The following VAC14 variants were observed in gnomAD, a reference collection of about 807,000 sequenced individuals.
VAC14 encodes protein VAC14 homolog.
A neutral mutation model predicts 85.3 loss-of-function variants in VAC14; 47 were observed. That is an observed-to-expected ratio of 0.55 (90% CI 0.44 to 0.70). The LOEUF is 0.70. Among genes scored for constraint, VAC14 ranks in the 30% least tolerant of loss-of-function variants. VAC14 has a pLI of 0.00. For synonymous variants in VAC14, 447 were observed against 430.5 expected (o/e 1.04, Z -0.47); for missense variants, 861 against 1,004.3 (o/e 0.86, Z 1.93).
intron 13 of VAC14, among the ~76,000 whole-genome samples, chr16:70,741,962 C>A (rs2030359573): frequency 6.6e-6 from 1 of 152,344 alleles, no homozygotes; most frequent in East Asian, 1.9e-4. Context: ...TCTGCTCCCC[C>A]ATGGCACACG....
chr16:70,700,959 TGAG>T (rs995199688), intron 14 of VAC14, among the ~76,000 whole-genome samples: 2 of 152,106 alleles, frequency 1.3e-5, no homozygotes, highest in Non-Finnish European at 2.9e-5. Flanking sequence ...GAGGGCAGGC[TGAG>T]GAGGGTGCGG....
intron 9 of VAC14, among the ~76,000 whole-genome samples, chr16:70,775,245 C>T (rs1253985088): frequency 1.3e-5 from 2 of 151,940 alleles, no homozygotes; most frequent in East Asian, 1.9e-4. Context: ...ACAAATATAT[C>T]CTCATTCTAA....
intron 9 of VAC14, chr16:70,779,028 C>T (rs1168672964): frequency 6.6e-6 from 1 of 152,196 alleles, no homozygotes; most frequent in African/African-American, 2.4e-5. Context: ...TGCCAAAAAG[C>T]TTTCAGCTGC....
At chr16:70,755,429 C>T (rs758085152) in intron 12 of VAC14, among the ~76,000 whole-genome samples, 3 of 152,210 alleles carry the variant, frequency 2.0e-5, no homozygotes, top group Non-Finnish European at 4.4e-5. Context: ...CACCCTGGGC[C>T]GGGTCCCTGC....
Position 70,695,396 on chromosome 16 carries a change from C to T in VAC14, c.2035+148G>A, listed in dbSNP as rs890938648. 6 of 758,306 alleles carry T rather than the reference C, an allele frequency of 7.9e-6. No homozygotes were observed. In the African/African-American group the frequency reaches 1.0e-4, roughly 13 times the overall value. The allele number at this position is 758,306 out of a possible 1,614,324, so 47.0% of individuals were successfully genotyped here. A position where few individuals can be genotyped will look rare whatever the true frequency, so the allele number is the denominator to read the frequency against. ...CAAAGTGCTGGGATTATAAGTCTCA[C>T]ATTCTCAACATTCCAGAAGCTTCCC... On this transcript the variant is annotated intron_variant, in intron 17 of 18. Transcript: ENST00000261776.
chr16:70,688,934 C>CT, intron 18 of VAC14: 2 of 985,526 alleles, frequency 2.0e-6, no homozygotes, highest in South Asian at 4.7e-5. Flanking sequence ...TCCATGTGGG[C>CT]TAGGAAGTAT....
chr16:70,789,240 C>G (rs1208242609), intron 1 of VAC14, among the ~76,000 whole-genome samples: 1 of 152,176 alleles, frequency 6.6e-6, no homozygotes, highest in Non-Finnish European at 1.5e-5. Flanking sequence ...GGAAAAAGCC[C>G]CCCAAAGTTT....
chr16:70,707,898 C>T (rs567125571), intron 14 of VAC14, among the ~76,000 whole-genome samples: 1 of 151,596 alleles, frequency 6.6e-6, no homozygotes, highest in Admixed American at 6.6e-5. Context: ...TCAAGTGATT[C>T]TCCTGCCTCA....
intron 1 of VAC14, among the ~76,000 whole-genome samples, chr16:70,788,604 G>A (rs138189928): frequency 1.3e-4 from 20 of 152,334 alleles, no homozygotes; most frequent in Middle Eastern, 3.4e-3. Context: ...AACCAGCCAG[G>A]TGAGACCCAA....
intron 9 of VAC14, among the ~76,000 whole-genome samples, chr16:70,774,994 G>A (rs1395866128): frequency 1.3e-5 from 2 of 151,700 alleles, no homozygotes; most frequent in African/African-American, 4.9e-5. Context: ...TCAAGTGATT[G>A]ATCCACCTCA....
chr16:70,712,537 G>A (rs1439226049), intron 14 of VAC14, among the ~76,000 whole-genome samples: 1 of 152,216 alleles, frequency 6.6e-6, no homozygotes, highest in Non-Finnish European at 1.5e-5. Flanking sequence ...GATCCGGAGG[G>A]AGATGTGTTC....
intron 3 of VAC14, among the ~76,000 whole-genome samples, chr16:70,785,206 C>A (rs1057457294): frequency 6.6e-6 from 1 of 152,196 alleles, no homozygotes; most frequent in African/African-American, 2.4e-5. Context: ...AGGGTAGCTG[C>A]GAGGCTGATA....
Position 70,692,904 on chromosome 16 carries a change from G to T in VAC14, c.2103C>A (p.Leu701=). The change falls in exon 18 of 19, where the codon CTC becomes CTA. Residue 701 remains leucine, a synonymous_variant. Transcript: ENST00000261776. ...PYLIKALYGL[L]MLLPQSSAFQ... ...AGGCGCTGCTCTGCGGCAGGAGCATGAGCAGGCCGTAGAGGGCCTTGATCA... is the reference window on the plus strand; with the variant it reads ...AGGCGCTGCTCTGCGGCAGGAGCATTAGCAGGCCGTAGAGGGCCTTGATCA... 2 of 1,609,948 alleles carry T rather than the reference G, an allele frequency of 1.2e-6. No homozygotes were observed. The highest frequency in any genetic ancestry group is 1.7e-6 in the Non-Finnish European group (2 of 1,179,016).
intron 14 of VAC14, among the ~76,000 whole-genome samples, chr16:70,712,291 C>T (rs926033215): frequency 6.6e-6 from 1 of 152,226 alleles, no homozygotes; most frequent in Non-Finnish European, 1.5e-5. Context: ...CTCTGGGTTA[C>T]AGGCGAGGCG....
chr16:70,795,640 G>A (rs370741347), intron 1 of VAC14, among the ~76,000 whole-genome samples: 2 of 152,032 alleles, frequency 1.3e-5, no homozygotes, highest in African/African-American at 4.8e-5. Context: ...CCAGGGACTC[G>A]CCTCCCCCAC....
chr16:70,781,146 G>A (rs1237443041), intron 8 of VAC14, among the ~76,000 whole-genome samples: 2 of 151,882 alleles, frequency 1.3e-5, no homozygotes, highest in Non-Finnish European at 2.9e-5. Context: ...TTCATGAGGG[G>A]GCTCGTTCTT....
rs188252530 is a variant in VAC14 at position 70,722,356 on chromosome 16, C to T, written c.1661+9139G>A. 9.7e-4 allele frequency among the ~76,000 whole-genome samples: 148 copies of T among 152,382 alleles called. 1 individual carries two copies. The Middle Eastern group carries it at 0.01, about 11-fold the overall frequency. On this transcript the variant is annotated intron_variant, in intron 14 of 18. Transcript: ENST00000261776. Reference sequence around the variant, plus strand: ...GGCCAGGCCCCTCCGAGGGCCACATCACCCCTGCTCAGAGACAGGAGCTCT... The same window carrying T: ...GGCCAGGCCCCTCCGAGGGCCACATTACCCCTGCTCAGAGACAGGAGCTCT...
intron 1 of VAC14, among the ~76,000 whole-genome samples, chr16:70,799,360 T>C (rs1028028551): frequency 2.6e-5 from 4 of 152,016 alleles, no homozygotes. Context: ...GTCAAGAAAG[T>C]GGTGTCTGAT....
chr16:70,726,270 C>A (rs1052626103), intron 14 of VAC14, among the ~76,000 whole-genome samples: 1 of 152,266 alleles, frequency 6.6e-6, no homozygotes. Context: ...AACACCTACT[C>A]CGGGCAGAGT....
Sources: allele counts gnomAD v4.1 joint callset (sites outside exome capture counted in the v4.1 genomes callset), GRCh38; gene constraint gnomAD v4.1.1; transcripts MANE v1.5; gene names NCBI Gene and HGNC (gene_info 2026-07-23, HGNC 2026-07-21).